The following PACRG variants were observed in gnomAD, a reference collection of about 807,000 sequenced individuals.
PACRG encodes parkin coregulated, also known as parkin coregulated gene protein.
A neutral mutation model predicts 29.7 loss-of-function variants in PACRG; 29 were observed. That is an observed-to-expected ratio of 0.98 (90% CI 0.73 to 1.33). PACRG has a LOEUF of 1.33. Among genes scored for constraint, PACRG ranks in the 40% most tolerant of loss-of-function variants. The pLI, the probability that PACRG is intolerant of heterozygous loss-of-function variation, is 0.00. For synonymous variants in PACRG, 116 were observed against 118.7 expected, an observed-to-expected ratio of 0.98 and a Z score of 0.15; for missense variants, 279 against 316.2, an observed-to-expected ratio of 0.88 and a Z score of 0.89.
Position 163,089,347 on chromosome 6 carries a change from G to A in PACRG, c.552G>A (p.Lys184=), listed in dbSNP as rs1223097825. ...TTGTGTCAGCTGAGATGGTGGGCAA[G>A]GCCTTGGTGCCTTATTACCGTCAAA... is the stretch of plus-strand genomic sequence containing the variant. ...HLVVSAEMVG[K]ALVPYYRQIL... The change falls in exon 4 of 5, where the codon AAG becomes AAA. Residue 184 remains lysine (K), a synonymous_variant. Transcript: ENST00000366888. 2 of 1,614,134 alleles carry A rather than the reference G, an allele frequency of 1.2e-6. No individual in the cohort carries two copies.
intron 2 of PACRG, among the ~76,000 whole-genome samples, chr6:162,947,393 TATA>T (rs1202862542): frequency 4.7e-5 from 6 of 128,630 alleles, no homozygotes; most frequent in African/African-American, 1.8e-4. Context: ...TATAATCATA[TATA>T]ATATATAATC....
chr6:162,810,295 C>T (rs892674443), intron 1 of PACRG, among the ~76,000 whole-genome samples: 8 of 152,192 alleles, frequency 5.3e-5, no homozygotes, highest in African/African-American at 1.7e-4. Context: ...AGGTAGCACC[C>T]TTCCCCCAAC....
intron 2 of PACRG, among the ~76,000 whole-genome samples, chr6:163,000,795 A>G (rs571300480): frequency 6.6e-6 from 1 of 152,314 alleles, no homozygotes; most frequent in African/African-American, 2.4e-5. Context: ...GAAAAGGAAG[A>G]CACAACAATG....
Position 163,283,628 on chromosome 6 carries a change from G to A in PACRG, c.614-31199G>A, listed in dbSNP as rs867952310. On this transcript the variant is annotated intron_variant, in intron 4 of 4. Transcript: ENST00000366888. ...ATCCTGGCTAACAAGGTGAAACCCC[G>A]TCTCTACTAAAAATACAAAAAAATT... is the stretch of plus-strand genomic sequence containing the variant. Among the ~76,000 whole-genome samples, 4 of 150,190 alleles carry A rather than the reference G, an allele frequency of 2.7e-5. No homozygotes were observed. In the Middle Eastern group the frequency reaches 0.011, roughly 402 times the overall value.
chr6:162,966,462 G>T (rs1584893413), intron 2 of PACRG, among the ~76,000 whole-genome samples: 3 of 148,208 alleles, frequency 2.0e-5, no homozygotes, highest in African/African-American at 7.5e-5. Flanking sequence ...GATGTTAATG[G>T]AGGGAATGAC....
At chr6:163,081,878 C>T (rs1813117877) in intron 3 of PACRG, among the ~76,000 whole-genome samples, 1 of 152,124 alleles carries the variant, frequency 6.6e-6, no homozygotes, top group South Asian at 2.1e-4. Context: ...GCTCTCAGCA[C>T]TATAATGCTA....
At chr6:162,752,811 AG>A (rs1351692477) in intron 1 of PACRG, among the ~76,000 whole-genome samples, 2 of 152,234 alleles carry the variant, frequency 1.3e-5, no homozygotes, top group Non-Finnish European at 2.9e-5. Flanking sequence ...TGTGTGACAT[AG>A]TCTAAATAAT....
intron 2 of PACRG, among the ~76,000 whole-genome samples, chr6:162,905,985 G>T (rs1795905011): frequency 6.6e-6 from 1 of 152,040 alleles, no homozygotes; most frequent in Admixed American, 6.6e-5. Flanking sequence ...TGCAATTCCT[G>T]GTTTATATGG....
intron 2 of PACRG, among the ~76,000 whole-genome samples, chr6:162,952,477 C>G (rs1799724538): frequency 6.6e-6 from 1 of 152,154 alleles, no homozygotes; most frequent in Admixed American, 6.6e-5. Context: ...ATAAATAGTA[C>G]TGTTCCACAG....
At chr6:162,875,472 C>T (rs1443829317) in intron 2 of PACRG, among the ~76,000 whole-genome samples, 1 of 152,228 alleles carries the variant, frequency 6.6e-6, no homozygotes, top group Non-Finnish European at 1.5e-5. Flanking sequence ...TTCACACACA[C>T]ATGCTTCCTT....
chr6:162,883,937 T>G lies in PACRG; in HGVS notation c.291+69656T>G, dbSNP rs115800773. On this transcript the variant is annotated intron_variant, in intron 2 of 4. Transcript: ENST00000366888. ...TATGCATTCATAACATATTTAACTT[T>G]TGTTTTGTTTCGTTATTTTGAGACA... Among the ~76,000 whole-genome samples the G allele has an allele frequency of 5.0e-3, 755 of 152,178 alleles. 11 individuals carry two copies. The highest frequency in any genetic ancestry group is 0.017 in the African/African-American group (722 of 41,496).
At chr6:163,201,172 C>T (rs762897734) in intron 4 of PACRG, among the ~76,000 whole-genome samples, 1 of 152,190 alleles carries the variant, frequency 6.6e-6, no homozygotes, top group Non-Finnish European at 1.5e-5. Flanking sequence ...AGCAGTATTA[C>T]AAGAAGAAAG....
rs1179060717 is a variant in PACRG at position 163,059,705 on chromosome 6, T to C, written c.292-2445T>C. Among the ~76,000 whole-genome samples, 3 of 152,298 alleles carry C rather than the reference T, an allele frequency of 2.0e-5. No homozygotes were observed. The East Asian group carries it at 5.8e-4, about 29-fold the overall frequency. ...CCTTAGGCAAGTTATTAAATCTCTC[T>C]CTGTTTCAATTTCCTCATATTGAAA... is the stretch of plus-strand genomic sequence containing the variant. On this transcript the variant is annotated intron_variant, in intron 2 of 4. Transcript: ENST00000366888.
chr6:162,955,366 C>G (rs1441985248), intron 2 of PACRG, among the ~76,000 whole-genome samples: 4 of 152,164 alleles, frequency 2.6e-5, no homozygotes, highest in African/African-American at 7.2e-5. Flanking sequence ...GTGGTGTGGT[C>G]TTGGCTCACT....
chr6:163,239,951 CACA>C (rs1379261365), intron 4 of PACRG, among the ~76,000 whole-genome samples: 1 of 64,874 alleles, frequency 1.5e-5, no homozygotes, highest in Non-Finnish European at 3.3e-5. Context: ...CCACCCCCCC[CACA>C]CACTCACACT....
intron 2 of PACRG, among the ~76,000 whole-genome samples, chr6:162,985,697 C>G (rs1340820588): frequency 6.6e-6 from 1 of 151,992 alleles, no homozygotes; most frequent in Non-Finnish European, 1.5e-5. Flanking sequence ...TGCTGGTATT[C>G]CTAGCCAGAG....
chr6:163,162,854 CT>C (rs1412567414), intron 4 of PACRG, among the ~76,000 whole-genome samples: 8 of 152,200 alleles, frequency 5.3e-5, no homozygotes, highest in African/African-American at 1.9e-4. Context: ...GACTATGAAA[CT>C]GGTGATGAAG....
intron 4 of PACRG, among the ~76,000 whole-genome samples, chr6:163,125,655 A>G (rs973566231): frequency 3.9e-5 from 6 of 152,250 alleles, no homozygotes; most frequent in African/African-American, 1.2e-4. Context: ...TCAAACCGCT[A>G]TGAAATATAA....
Position 163,315,097 on chromosome 6 carries a change from T to C in PACRG, c.*110T>C. On this transcript the variant is annotated 3_prime_UTR_variant, in exon 5 of 5. Coordinates refer to ENST00000366888, the MANE Select transcript of PACRG (RefSeq NM_001080379.2). The stretch of plus-strand genomic sequence containing the variant: ...CTTCCACAGCTTTCTTTTCTACAGC[T>C]GCTAAAATAGTGGCTTATGGGCCAT... 2.3e-6 allele frequency: 3 copies of C among 1,313,442 alleles called. No individual in the cohort carries two copies. Among genetic ancestry groups the C allele is most frequent in the Non-Finnish European group, 3.1e-6 (3 of 952,884 alleles). The allele number at this position is 1,313,442 out of a possible 1,614,324, so 81.4% of individuals were successfully genotyped here.
Sources: allele counts gnomAD v4.1 joint callset (sites outside exome capture counted in the v4.1 genomes callset), GRCh38; gene constraint gnomAD v4.1.1; transcripts MANE v1.5; gene names NCBI Gene and HGNC (gene_info 2026-07-23, HGNC 2026-07-21).